The following COBL variants were observed in gnomAD, a reference collection of about 807,000 sequenced individuals.
The protein encoded by COBL is protein cordon-bleu.
COBL carries 51 observed loss-of-function variants against 98.8 expected under a neutral mutation model. The observed-to-expected ratio is 0.52, with a 90% CI of 0.41 to 0.65. COBL has a LOEUF of 0.65. Among genes scored for constraint, COBL ranks in the 30% least tolerant of loss-of-function variants. The pLI is 0.00. For missense variants in COBL, 1,617 were observed against 1,617.5 expected, an observed-to-expected ratio of 1.00 and a Z score of 0.01; for synonymous variants, 634 against 651.7, an observed-to-expected ratio of 0.97 and a Z score of 0.41.
At chr7:51,130,401 A>C (rs1798632044) in intron 6 of COBL, among the ~76,000 whole-genome samples, 1 of 152,138 alleles carries the variant, frequency 6.6e-6, no homozygotes, top group South Asian at 2.1e-4. Flanking sequence ...ATTCACCACC[A>C]CCACAAGCCA....
chr7:51,160,367 C>T (rs1035346144), intron 5 of COBL, among the ~76,000 whole-genome samples: 1 of 152,120 alleles, frequency 6.6e-6, no homozygotes, highest in Non-Finnish European at 1.5e-5. Context: ...GTTGATGACA[C>T]AGTCATCAAG....
intron 7 of COBL, among the ~76,000 whole-genome samples, chr7:51,056,574 G>A (rs1191417462): frequency 1.3e-5 from 2 of 152,132 alleles, no homozygotes; most frequent in African/African-American, 4.8e-5. Context: ...ATTGCCTGAA[G>A]TTTGGGTCAG....
chr7:51,203,461 C>CAAAAA (rs1165738166), intron 2 of COBL, among the ~76,000 whole-genome samples: 4 of 12,036 alleles, frequency 3.3e-4, no homozygotes, highest in Admixed American at 1.6e-3. Context: ...GACTCCGTCT[C>CAAAAA]AAAAAAAAAA....
chr7:51,299,040 G>C (rs1050353523), intron 1 of COBL, among the ~76,000 whole-genome samples: 1 of 152,230 alleles, frequency 6.6e-6, no homozygotes, highest in South Asian at 2.1e-4. Flanking sequence ...GAATGGCATA[G>C]GCCAGGAAAG....
At chr7:51,220,942 T>C (rs1388296885) in intron 1 of COBL, among the ~76,000 whole-genome samples, 1 of 152,232 alleles carries the variant, frequency 6.6e-6, no homozygotes, top group Non-Finnish European at 1.5e-5. Flanking sequence ...TATATATGTA[T>C]GTACATATTT....
At chr7:51,095,198 G>A (rs1795162814) in intron 6 of COBL, among the ~76,000 whole-genome samples, 1 of 152,094 alleles carries the variant, frequency 6.6e-6, no homozygotes, top group Non-Finnish European at 1.5e-5. Flanking sequence ...CTTACATGGC[G>A]GCAGGCAAAG....
At chr7:51,083,028 C>A (rs1343426566) in intron 7 of COBL, 1 of 1,534,490 alleles carries the variant, frequency 6.5e-7, no homozygotes, top group East Asian at 2.4e-5. Flanking sequence ...GAACAGTTAA[C>A]ACAGTCGGAA....
rs1786354050 is a variant in COBL, at chr7:51,017,139, T to A, written c.*412A>T. ...TATGTTTTTTCTAAAATTCAAAAGA[T>A]CTTAAATCAGTAAGTAGTTTCATCC... On this transcript the variant is annotated 3_prime_UTR_variant, in exon 13 of 13. Transcript: ENST00000265136. The A allele has an allele frequency of 2.3e-6, 1 of 434,734 alleles. No homozygotes were observed. Among genetic ancestry groups the A allele is most frequent in the Non-Finnish European group, 4.0e-6 (1 of 248,114 alleles). 26.9% of individuals were successfully genotyped at this position (434,734 alleles called of 1,614,324 possible). A position where few individuals can be genotyped will look rare whatever the true frequency, so the allele number is the denominator to read the frequency against.
intron 5 of COBL, among the ~76,000 whole-genome samples, chr7:51,177,081 C>A (rs148904449): frequency 2.2e-4 from 34 of 152,238 alleles, no homozygotes; most frequent in African/African-American, 7.9e-4. Flanking sequence ...TGTTTAAGGT[C>A]ATAAAACTGT....
chr7:51,050,008 G>A (rs1197082303), intron 7 of COBL, among the ~76,000 whole-genome samples: 1 of 152,118 alleles, frequency 6.6e-6, no homozygotes, highest in Non-Finnish European at 1.5e-5. Flanking sequence ...AGCCTCTTTA[G>A]TTTGATGGGC....
intron 1 of COBL, among the ~76,000 whole-genome samples, chr7:51,226,564 G>A (rs1290982832): frequency 1.3e-5 from 2 of 151,876 alleles, no homozygotes; most frequent in African/African-American, 4.8e-5. Flanking sequence ...GTGACTAAGT[G>A]AGTGAGTAAG....
chr7:51,080,256 A>G (rs1793507319), intron 7 of COBL, among the ~76,000 whole-genome samples: 1 of 152,252 alleles, frequency 6.6e-6, no homozygotes, highest in Non-Finnish European at 1.5e-5. Context: ...AAATCTGCGC[A>G]CAAATCCATT....
At chr7:51,142,701 TTAACA>T (rs1799886534) in intron 5 of COBL, among the ~76,000 whole-genome samples, 1 of 152,178 alleles carries the variant, frequency 6.6e-6, no homozygotes, top group Admixed American at 6.5e-5. Flanking sequence ...TTATTTTCCC[TTAACA>T]TAACTGGAAG....
chr7:51,184,279 T>C, intron 4 of COBL, 80 bp from the exon 5 acceptor site: 1 of 763,608 alleles, frequency 1.3e-6, no homozygotes, highest in Non-Finnish European at 2.1e-6. Flanking sequence ...TCTTAATAAA[T>C]GAATCCTCTA....
chr7:51,111,147 TG>T (rs2128977208), intron 6 of COBL, among the ~76,000 whole-genome samples: 1 of 152,314 alleles, frequency 6.6e-6, no homozygotes, highest in South Asian at 2.1e-4. Context: ...GCAATAAACA[TG>T]GGGGTGCAGA....
intron 5 of COBL, among the ~76,000 whole-genome samples, chr7:51,148,547 C>T (rs1785253352): frequency 6.6e-6 from 1 of 152,212 alleles, no homozygotes; most frequent in Non-Finnish European, 1.5e-5. Flanking sequence ...AGGTCTTGTC[C>T]TGGCCCCTCT....
chr7:51,224,909 G>C (rs1794032705), intron 1 of COBL, among the ~76,000 whole-genome samples: 1 of 152,192 alleles, frequency 6.6e-6, no homozygotes, highest in Non-Finnish European at 1.5e-5. Context: ...TGATCCGCCT[G>C]CATGTGGGTG....
chr7:51,054,425 CATGGGCCTTCCTCGT>C (rs1367140630), intron 7 of COBL, among the ~76,000 whole-genome samples: 3 of 152,224 alleles, frequency 2.0e-5, no homozygotes, highest in Admixed American at 2.0e-4. Context: ...AAGGACTCTT[CATGGGCCTTCCTCGT>C]ATGTGTGCTG....
At chr7:51,310,582 A>G (rs1584470568) in intron 1 of COBL, among the ~76,000 whole-genome samples, 1 of 152,298 alleles carries the variant, frequency 6.6e-6, no homozygotes, top group African/African-American at 2.4e-5. Flanking sequence ...CTAGAGGAGC[A>G]CCTGGAAGAC....
Sources: allele counts gnomAD v4.1 joint callset (sites outside exome capture counted in the v4.1 genomes callset), GRCh38; gene constraint gnomAD v4.1.1; transcripts MANE v1.5; gene names NCBI Gene and HGNC (gene_info 2026-07-23, HGNC 2026-07-21).